The following PNPLA5 variants were observed in gnomAD, a reference collection of about 807,000 sequenced individuals.
PNPLA5 encodes patatin like domain 5, triacylglycerol lipase.
PNPLA5 carries 44 observed loss-of-function variants against 49.1 expected under a neutral mutation model. The observed-to-expected ratio is 0.90, with a 90% CI of 0.70 to 1.15. PNPLA5 has a LOEUF of 1.15. Among genes scored for constraint, PNPLA5 ranks in the 50% most tolerant of loss-of-function variants. PNPLA5 has a pLI of 0.00. For missense variants in PNPLA5, 603 were observed against 564.0 expected, an observed-to-expected ratio of 1.07 and a Z score of -0.70; for synonymous variants, 243 against 244.4, an observed-to-expected ratio of 0.99 and a Z score of 0.06.
At chr22:43,881,012 G>A (rs1200760033) in intron 8 of PNPLA5, 127 bp from the exon 9 acceptor site, 1 of 1,237,780 alleles carries the variant, frequency 8.1e-7, no homozygotes, top group East Asian at 3.1e-5. Context: ...TCTGAGGGAG[G>A]ACATGTGGAC....
At chr22:43,886,528 G>A (rs749385779) in intron 5 of PNPLA5, 40 bp from the exon 6 acceptor site, 2 of 1,576,616 alleles carry the variant, frequency 1.3e-6, no homozygotes, top group African/African-American at 2.7e-5. Context: ...AAGCATCTGA[G>A]CCTCCCCAAG....
At chr22:43,885,510 C>T (rs1603412546) in intron 6 of PNPLA5, among the ~76,000 whole-genome samples, 1 of 152,094 alleles carries the variant, frequency 6.6e-6, no homozygotes, top group South Asian at 2.1e-4. Context: ...TCCCTCATGC[C>T]GCAGCCACAG....
chr22:43,880,121 C>G lies in PNPLA5; in HGVS notation c.*674G>C, dbSNP rs2049593103. Reference sequence around the variant, plus strand: ...CCTGGCATCCTCTCTGCCCCAGGTACAGGCACAGCTACGTCACAAACCTTC... The same window carrying G: ...CCTGGCATCCTCTCTGCCCCAGGTAGAGGCACAGCTACGTCACAAACCTTC... On this transcript the variant is annotated 3_prime_UTR_variant, in exon 9 of 9. Coordinates refer to ENST00000216177, the MANE Select transcript of PNPLA5 (RefSeq NM_138814.4). The G allele has an allele frequency of 7.1e-6, 2 of 281,354 alleles. No individual in the cohort carries two copies. Among genetic ancestry groups the G allele is most frequent in the Non-Finnish European group, 1.3e-5 (2 of 152,040 alleles). The allele number at this position is 281,354 out of a possible 1,614,324, so 17.4% of individuals were successfully genotyped here. A position where few individuals can be genotyped will look rare whatever the true frequency, so the allele number is the denominator to read the frequency against.
chr22:43,883,399 C>T (rs1200543994), intron 7 of PNPLA5, among the ~76,000 whole-genome samples: 2 of 152,254 alleles, frequency 1.3e-5, no homozygotes, highest in Admixed American at 1.3e-4. Flanking sequence ...CCTGAGAGGT[C>T]CTCAGCAACT....
chr22:43,883,625 C>A (rs5764376), intron 7 of PNPLA5, among the ~76,000 whole-genome samples: 13,368 of 152,080 alleles, frequency 0.088, 692 homozygotes, highest in South Asian at 0.2. Flanking sequence ...GCCTGGGCAA[C>A]AAGGTGAAAT....
In PNPLA5 at chr22:43,884,194, C is replaced by G. The variant is rs898209648; in HGVS notation, c.1082+19G>C. 1 of 1,522,080 alleles carries G rather than the reference C, an allele frequency of 6.6e-7. No homozygotes were observed. The highest frequency in any genetic ancestry group is 8.8e-7 in the Non-Finnish European group (1 of 1,131,560). 94.3% of individuals were successfully genotyped at this position (1,522,080 alleles called of 1,614,324 possible). A position where few individuals can be genotyped will look rare whatever the true frequency, so the allele number is the denominator to read the frequency against. ...CGCCACAAGCCAGGCCCTTCCCAGG[C>G]CCCCTGGCCGAGCCTTACCTTCTGC... On this transcript the variant is annotated intron_variant, in intron 7 of 8. Transcript: ENST00000216177.
chr22:43,881,556 A>T lies in PNPLA5; in HGVS notation c.1199+2T>A. 1.3e-6 allele frequency: 2 copies of T among 1,583,784 alleles called. No homozygotes were observed. The highest frequency in any genetic ancestry group is 1.7e-6 in the Non-Finnish European group (2 of 1,165,684). On this transcript the variant is annotated splice_donor_variant, in intron 8 of 8. Coordinates refer to ENST00000216177, the MANE Select transcript of PNPLA5 (RefSeq NM_138814.4). LOFTEE classifies it high-confidence loss of function. ...TCCATCCCTGCCCTCTGCCCACCTC[A>T]CCTGATGGGCCCAAGGAGCTGGGCC...
chr22:43,884,126 A>ACCCCCC, intron 7 of PNPLA5, 87 bp downstream of exon 7: 1 of 571,660 alleles, frequency 1.7e-6, no homozygotes, highest in Non-Finnish European at 2.7e-6. Context: ...AGCCCTACCC[A>ACCCCCC]CCCAGTGTGC....
chr22:43,882,794 G>A (rs997196410), intron 7 of PNPLA5, among the ~76,000 whole-genome samples: 1 of 152,230 alleles, frequency 6.6e-6, no homozygotes, highest in African/African-American at 2.4e-5. Flanking sequence ...CAGCAGGGCT[G>A]ACCCAGTCAT....
At chr22:43,890,745 G>T (rs1395206021) in intron 2 of PNPLA5, among the ~76,000 whole-genome samples, 1 of 152,214 alleles carries the variant, frequency 6.6e-6, no homozygotes, top group African/African-American at 2.4e-5. Context: ...CCAAAAAGCG[G>T]CGGGAGGATG....
intron 8 of PNPLA5, chr22:43,881,116 G>A (rs1048224883): frequency 8.2e-5 from 46 of 557,688 alleles, no homozygotes; most frequent in Non-Finnish European, 1.0e-4. Context: ...GATAACTGTC[G>A]AGTGGGTGGG....
At position 43,884,239 on chromosome 22, in the gene PNPLA5, G is replaced by A. The variant is rs767606510; in HGVS notation, c.1056C>T (p.Phe352=). The A allele has an allele frequency of 1.6e-5, 25 of 1,577,768 alleles. No homozygotes were observed. The highest frequency in any genetic ancestry group is 8.3e-5 in the African/African-American group (6 of 72,712). ...TTCTGCTGCGGAAGTAGATGTACTC[G>A]AAGGGCAGTGTGCAGGGTAGCAGCA... is the stretch of plus-strand genomic sequence containing the variant. ...TYLLLPCTLP[F]EYIYFRSRRL... is the part of the protein sequence containing the mutation. The change falls in exon 7 of 9, where the codon TTC becomes TTT. Residue 352 remains phenylalanine, a synonymous_variant. Coordinates refer to ENST00000216177, the MANE Select transcript of PNPLA5 (RefSeq NM_138814.4).
intron 5 of PNPLA5, 194 bp from the exon 6 acceptor site, chr22:43,886,682 G>C (rs1256261333): frequency 9.1e-6 from 8 of 883,948 alleles, no homozygotes; most frequent in Non-Finnish European, 1.1e-5. Context: ...GCCCACTTTC[G>C]AGTGGCTCAT....
chr22:43,884,254 G>C lies in PNPLA5; in HGVS notation c.1041C>G (p.Pro347=). 1 of 1,597,040 alleles carries C rather than the reference G, an allele frequency of 6.3e-7. No individual in the cohort carries two copies. The highest frequency in any genetic ancestry group is 1.1e-5 in the South Asian group (1 of 88,992). ...AGATGTACTCGAAGGGCAGTGTGCAGGGTAGCAGCAGGTACGTCAGCACCT... is the reference window on the plus strand; with the variant it reads ...AGATGTACTCGAAGGGCAGTGTGCACGGTAGCAGCAGGTACGTCAGCACCT... ...PGQVLTYLLL[P]CTLPFEYIYF... The change falls in exon 7 of 9, where the codon CCC becomes CCG. Residue 347 remains proline (P), a synonymous_variant. Transcript: ENST00000216177.
At chr22:43,891,421 C>G in intron 1 of PNPLA5, 127 bp from the exon 2 acceptor site, 1 of 1,412,286 alleles carries the variant, frequency 7.1e-7, no homozygotes, top group Non-Finnish European at 9.2e-7. Context: ...AATTTCTGGG[C>G]TCGGCCCCGG....
intron 7 of PNPLA5, among the ~76,000 whole-genome samples, chr22:43,882,884 C>G (rs2049624512): frequency 6.6e-6 from 1 of 152,112 alleles, no homozygotes; most frequent in African/African-American, 2.4e-5. Flanking sequence ...AAATACAGGT[C>G]CCCCCATGAC....
intron 4 of PNPLA5, 123 bp from the exon 5 acceptor site, chr22:43,887,774 T>G: frequency 6.6e-7 from 1 of 1,520,736 alleles, no homozygotes; most frequent in Non-Finnish European, 8.8e-7. Context: ...TCTCCCCAAG[T>G]GACCATTCAA....
Position 43,880,263 on chromosome 22 carries a change from G to T in PNPLA5, c.*532C>A. 1 of 397,534 alleles carries T rather than the reference G, an allele frequency of 2.5e-6. No homozygotes were observed. The highest frequency in any genetic ancestry group is 4.4e-6 in the Non-Finnish European group (1 of 226,006). The allele number at this position is 397,534 out of a possible 1,614,324, so 24.6% of individuals were successfully genotyped here. On this transcript the variant is annotated 3_prime_UTR_variant, in exon 9 of 9. Transcript: ENST00000216177. ...CCTCCTCCTCCTGCTTCCTGCCAGG[G>T]CCTTCCACCCTCTGGACCTGATAGG...
intron 6 of PNPLA5, among the ~76,000 whole-genome samples, chr22:43,885,263 A>ACGTCCT (rs951517827): frequency 5.3e-5 from 8 of 152,084 alleles, no homozygotes; most frequent in African/African-American, 1.9e-4. Flanking sequence ...CCATTTCTGC[A>ACGTCCT]CGTCCTCGTG....
Sources: gnomAD v4.1 joint callset for allele counts (sites outside exome capture counted in the v4.1 genomes callset) on GRCh38, gnomAD v4.1.1 for gene constraint, MANE v1.5 for transcripts, NCBI Gene and HGNC (gene_info 2026-07-23, HGNC 2026-07-21) for gene names.